Variants in TMEM132C observed in about 807,000 individuals in gnomAD.
TMEM132C encodes transmembrane protein 132C, also known as protein phosphatase 1, regulatory subunit 152.
In TMEM132C, 29 loss-of-function variants were observed where a neutral mutation model predicts 61.4. The observed-to-expected ratio is 0.47, with a 90% CI of 0.35 to 0.64. The LOEUF (loss-of-function observed/expected upper bound fraction) is 0.64. TMEM132C is among the 30% of genes least tolerant of loss of function. The probability of loss-of-function intolerance (pLI) is 0.00; values close to 1 mark genes in which losing one functional copy is unlikely to be tolerated. For missense variants in TMEM132C, 1,408 were observed against 1,476.9 expected (o/e 0.95, Z 0.76); for synonymous variants, 656 against 633.1 (o/e 1.04, Z -0.54).
rs373850280 is a variant in TMEM132C at position 128,459,810 on chromosome 12, G to T, written c.974+44190G>T. ...TGAGGCAGGGGAATCACTTGAACCA[G>T]GGAGTGGGAGGTTGCAGTGAGCCGA... On this transcript the variant is annotated intron_variant, in intron 2 of 8. Coordinates refer to ENST00000435159, the MANE Select transcript of TMEM132C (RefSeq NM_001136103.3). Among the ~76,000 whole-genome samples, 11 of 151,316 alleles carry T rather than the reference G, an allele frequency of 7.3e-5. No individual in the cohort carries two copies. In the East Asian group the frequency reaches 1.8e-3, roughly 24 times the overall value.
Position 128,308,727 on chromosome 12 carries a change from CCTT to C in TMEM132C, c.85+41242_85+41244del, listed in dbSNP as rs1871869956. On this transcript the variant is annotated intron_variant, in intron 1 of 8. Coordinates refer to ENST00000435159, the MANE Select transcript of TMEM132C (RefSeq NM_001136103.3). ...ATTGTCATCTTCTGGGGGGAGCTGA[CCTT>C]CATGAAGCATCAGCTGAGCACCGTG... is the stretch of plus-strand genomic sequence containing the variant. Among the ~76,000 whole-genome samples, 3 of 152,270 alleles carry C rather than the reference CCTT, an allele frequency of 2.0e-5. No individual in the cohort carries two copies. In the South Asian group the frequency reaches 6.2e-4, roughly 32 times the overall value.
chr12:128,527,073 T>C (rs2096622010), intron 2 of TMEM132C, among the ~76,000 whole-genome samples: 1 of 152,212 alleles, frequency 6.6e-6, no homozygotes, highest in African/African-American at 2.4e-5. Flanking sequence ...TTTCAGCCCG[T>C]GCATCCTCAT....
chr12:128,280,516 G>A (rs1474626102), intron 1 of TMEM132C, among the ~76,000 whole-genome samples: 3 of 152,102 alleles, frequency 2.0e-5, no homozygotes. Context: ...AGGAAAACAT[G>A]CTTAAATTCA....
At chr12:128,484,100 C>A (rs190198624) in intron 2 of TMEM132C, among the ~76,000 whole-genome samples, 1 of 152,246 alleles carries the variant, frequency 6.6e-6, no homozygotes, top group East Asian at 1.9e-4. Context: ...AACATAAAGC[C>A]GGGCTTTGGT....
At chr12:128,682,216 G>A (rs1329364344) in intron 5 of TMEM132C, among the ~76,000 whole-genome samples, 1 of 152,180 alleles carries the variant, frequency 6.6e-6, no homozygotes, top group African/African-American at 2.4e-5. Context: ...GTGGGGCAAG[G>A]GAAGACCCCC....
intron 2 of TMEM132C, among the ~76,000 whole-genome samples, chr12:128,427,586 C>A (rs550048522): frequency 3.9e-5 from 6 of 152,152 alleles, no homozygotes; most frequent in Admixed American, 3.9e-4. Flanking sequence ...CCTCCAGACT[C>A]CCCTTCCCCA....
chr12:128,596,897 A>T (rs779526151), intron 3 of TMEM132C, among the ~76,000 whole-genome samples: 3 of 151,914 alleles, frequency 2.0e-5, no homozygotes, highest in Non-Finnish European at 4.4e-5. Flanking sequence ...AACTTGAATG[A>T]CTGAAGACCA....
At chr12:128,531,897 C>T (rs1873323366) in intron 2 of TMEM132C, among the ~76,000 whole-genome samples, 1 of 152,182 alleles carries the variant, frequency 6.6e-6, no homozygotes, top group Non-Finnish European at 1.5e-5. Flanking sequence ...AGTAAGATGA[C>T]CCTGCTCACA....
rs1199061396 is a variant in TMEM132C at position 128,415,585 on chromosome 12, C to T, written c.939C>T (p.Ile313=). The T allele has an allele frequency of 6.5e-7, 1 of 1,546,814 alleles. No homozygotes were observed. Among genetic ancestry groups the T allele is most frequent in the African/African-American group, 1.4e-5 (1 of 72,978 alleles). ...QGEVVTAYVT[I]SSNSSVDLFI... is the part of the protein sequence containing the mutation. ...AGGTGGTCACGGCCTATGTCACCAT[C>T]TCGAGCAATTCCTCTGTGGACCTCT... The change falls in exon 2 of 9, where the codon ATC becomes ATT. Residue 313 remains isoleucine, a synonymous_variant. Transcript: ENST00000435159. This position sits in a 1 kb window ranked among gnomAD's most constrained non-coding sequence, Gnocchi z 5.8.
rs1457640684 is a variant in TMEM132C at position 128,599,960 on chromosome 12, C to T, written c.1122-16192C>T. Among the ~76,000 whole-genome samples the T allele has an allele frequency of 3.9e-5, 6 of 152,200 alleles. No homozygotes were observed. In the South Asian group the frequency reaches 1.2e-3, roughly 32 times the overall value. On this transcript the variant is annotated intron_variant, in intron 3 of 8. Coordinates refer to ENST00000435159, the MANE Select transcript of TMEM132C (RefSeq NM_001136103.3). ...GACAGGGAGTGAGTTCTCACAAGACCTGATGGTTTTTTGTTTTTTGTTTTT... is the reference window on the plus strand; with the variant it reads ...GACAGGGAGTGAGTTCTCACAAGACTTGATGGTTTTTTGTTTTTTGTTTTT...
At chr12:128,344,004 CTTCTA>C (rs1352857414) in intron 1 of TMEM132C, among the ~76,000 whole-genome samples, 1 of 152,000 alleles carries the variant, frequency 6.6e-6, no homozygotes, top group Non-Finnish European at 1.5e-5. Flanking sequence ...ACTGGGTAAT[CTTCTA>C]TTATATGGAT....
chr12:128,512,507 C>T (rs1255887704), intron 2 of TMEM132C, among the ~76,000 whole-genome samples: 1 of 152,072 alleles, frequency 6.6e-6, no homozygotes, highest in South Asian at 2.1e-4. Context: ...TTTCACCAGG[C>T]AAGAGAACCT....
chr12:128,402,594 C>T (rs1205583881), intron 1 of TMEM132C, among the ~76,000 whole-genome samples: 1 of 152,122 alleles, frequency 6.6e-6, no homozygotes, highest in East Asian at 1.9e-4. Context: ...CCTGGGAGAG[C>T]CCCAGCCTGA....
chr12:128,466,159 C>T (rs533097929), intron 2 of TMEM132C, among the ~76,000 whole-genome samples: 65 of 152,220 alleles, frequency 4.3e-4, no homozygotes, highest in Non-Finnish European at 7.9e-4. Context: ...GCCGCTGCTG[C>T]GATGGAGAAC....
chr12:128,285,689 C>G (rs1238132882), intron 1 of TMEM132C, among the ~76,000 whole-genome samples: 9 of 150,986 alleles, frequency 6.0e-5, no homozygotes, highest in Admixed American at 5.9e-4. Context: ...ATCTCTCTCT[C>G]CCCATCTCTA....
At chr12:128,544,220 C>G (rs1420040322) in intron 3 of TMEM132C, 117 bp downstream of exon 3, 2 of 1,360,178 alleles carry the variant, frequency 1.5e-6, no homozygotes, top group Non-Finnish European at 9.6e-7. Flanking sequence ...AGCTATTGAA[C>G]CCACCACGTG....
At chr12:128,465,358 C>T (rs907108615) in intron 2 of TMEM132C, among the ~76,000 whole-genome samples, 1 of 150,888 alleles carries the variant, frequency 6.6e-6, no homozygotes, top group East Asian at 1.9e-4. Context: ...GCCACCACGC[C>T]CAGCTAATTT....
At chr12:128,483,025 C>T (rs1406437572) in intron 2 of TMEM132C, among the ~76,000 whole-genome samples, 1 of 151,690 alleles carries the variant, frequency 6.6e-6, no homozygotes, top group Non-Finnish European at 1.5e-5. Context: ...AGGAGGATCG[C>T]TTGAGCCCAG....
At chr12:128,331,736 G>A (rs1432550468) in intron 1 of TMEM132C, among the ~76,000 whole-genome samples, 2 of 152,204 alleles carry the variant, frequency 1.3e-5, no homozygotes, top group Non-Finnish European at 2.9e-5. Flanking sequence ...AAACATACCA[G>A]TGTAGGTATC....
Sources: allele counts gnomAD v4.1 joint callset (sites outside exome capture counted in the v4.1 genomes callset), GRCh38; gene constraint gnomAD v4.1.1; non-coding constraint Gnocchi (gnomAD v3.1); transcripts MANE v1.5; gene names NCBI Gene and HGNC (gene_info 2026-07-23, HGNC 2026-07-21).